The following RBM26 variants were observed in gnomAD, a reference collection of about 807,000 sequenced individuals.
The protein encoded by RBM26 is RNA binding motif protein 26.
In RBM26, 30 loss-of-function variants were observed where a neutral mutation model predicts 123.6. The observed-to-expected ratio is 0.24, with a 90% CI of 0.18 to 0.33. The LOEUF (loss-of-function observed/expected upper bound fraction) is 0.33. Ranked by LOEUF, RBM26 falls within the 10% of genes least tolerant of loss-of-function variation. The pLI, the probability that RBM26 is intolerant of heterozygous loss-of-function variation, is 1.00. For synonymous variants in RBM26, 400 were observed against 404.4 expected, an observed-to-expected ratio of 0.99 and a Z score of 0.13; for missense variants, 947 against 1,203.6, an observed-to-expected ratio of 0.79 and a Z score of 3.15.
rs373618092 is a variant in RBM26, at chr13:79,341,222, C to T, written c.2433G>A (p.Gln811=). The T allele has an allele frequency of 4.4e-6, 7 of 1,596,014 alleles. No homozygotes were observed. The highest frequency in any genetic ancestry group is 1.3e-5 in the African/African-American group (1 of 74,336). ...CCAGTTCTGTGTCAAGTAATTCCTT[C>T]TGCATCTAAAAAATAGTAATTAATA... The part of the protein sequence containing the change: ...PKSIKTKTQM[Q]KELLDTELDL... Residue 811 remains glutamine (Q), a synonymous_variant, in exon 18 of 22, where the codon CAG becomes CAA. Coordinates refer to ENST00000438737, the MANE Select transcript of RBM26 (RefSeq NM_001366735.2).
At chr13:79,386,212 G>A (rs757421797) in intron 1 of RBM26, among the ~76,000 whole-genome samples, 3 of 151,760 alleles carry the variant, frequency 2.0e-5, no homozygotes, top group Admixed American at 6.6e-5. Flanking sequence ...AAGACAGGCC[G>A]ATTCTTACAT....
In RBM26 at chr13:79,355,401, T is replaced by C; in HGVS notation, c.1690-17A>G. The stretch of plus-strand genomic sequence containing the variant: ...ATAAGCAACCTAAGATTTAAAATAT[T>C]AAGAACAGTGAATTTCCAAAGGAAT... On this transcript the variant is annotated splice_polypyrimidine_tract_variant and intron_variant, in intron 11 of 21. Coordinates refer to ENST00000438737, the MANE Select transcript of RBM26 (RefSeq NM_001366735.2). 6.2e-7 allele frequency: 1 copy of C among 1,603,006 alleles called. No homozygotes were observed. Among genetic ancestry groups the C allele is most frequent in the East Asian group, 2.2e-5 (1 of 44,752 alleles).
chr13:79,382,774 A>G (rs1390911592), intron 1 of RBM26, among the ~76,000 whole-genome samples: 1 of 152,214 alleles, frequency 6.6e-6, no homozygotes, highest in African/African-American at 2.4e-5. Context: ...TAGACAGGAA[A>G]GAGTGCTGCT....
intron 9 of RBM26, among the ~76,000 whole-genome samples, chr13:79,365,164 C>G (rs918495265): frequency 5.3e-5 from 8 of 152,130 alleles, no homozygotes; most frequent in African/African-American, 1.9e-4. Flanking sequence ...CCATCCCAGC[C>G]AGTCACGGGG....
In RBM26 at chr13:79,359,645, A is replaced by G. The variant is rs2074427038; in HGVS notation, c.1459T>C (p.Ser487Pro). Residue 487 changes from serine (S) to proline (P), a missense_variant, in exon 10 of 22, where the codon TCA becomes CCA. Physicochemically the swap from Ser to Pro is moderately conservative, Grantham distance 74 (BLOSUM62 -1). Around this residue, in one of 5 missense-constraint regions of RBM26, gnomAD observed 493 missense variants for 563.1 expected, o/e 0.88. Transcript: ENST00000438737. ...NKSSMRIVVD[S>P]ESRKRTIGSG... Reference sequence around the variant, plus strand: ...CCAATGGTTCTTTTCCTTGATTCTGAGTCCACTACTATCCTCATACTGCTT... The same window carrying G: ...CCAATGGTTCTTTTCCTTGATTCTGGGTCCACTACTATCCTCATACTGCTT... 6.3e-7 allele frequency: 1 copy of G among 1,599,650 alleles called. No individual in the cohort carries two copies. The highest frequency in any genetic ancestry group is 8.5e-7 in the Non-Finnish European group (1 of 1,174,062).
In RBM26 at chr13:79,320,900, T is replaced by C. The variant is rs186471611; in HGVS notation, c.2935-190A>G. On this transcript the variant is annotated intron_variant, in intron 21 of 21. Transcript: ENST00000438737. ...AATGGTTTCTCTATATGATCTATTC[T>C]ATTGCTTGCATGAAACACACTAAAC... 4.6e-5 allele frequency among the ~76,000 whole-genome samples: 7 copies of C among 151,464 alleles called. No homozygotes were observed. In the East Asian group the frequency reaches 1.2e-3, roughly 25 times the overall value.
At chr13:79,327,627 A>G (rs2068637182) in intron 20 of RBM26, among the ~76,000 whole-genome samples, 1 of 152,180 alleles carries the variant, frequency 6.6e-6, no homozygotes, top group Admixed American at 6.5e-5. Flanking sequence ...TTACACATTT[A>G]ATAAAAAAAG....
chr13:79,354,465 G>C lies in RBM26; in HGVS notation c.1960C>G (p.Gln654Glu). The stretch of plus-strand genomic sequence containing the variant: ...TGAGGAAGGTCTGAAGAGGCACTCT[G>C]GGCTTCTGCAGGTTCAATAGTACTT... The part of the protein sequence containing the change: ...PSSTIEPAEA[Q>E]SASSDLPQNV... The change falls in exon 13 of 22, where the codon CAG becomes GAG. Residue 654 changes from glutamine (Q) to glutamate (E), a missense_variant. Around this residue, in one of 5 missense-constraint regions of RBM26, gnomAD observed 493 missense variants for 563.1 expected, o/e 0.88. Transcript: ENST00000438737. 1 of 1,597,734 alleles carries C rather than the reference G, an allele frequency of 6.3e-7. No individual in the cohort carries two copies. Among genetic ancestry groups the C allele is most frequent in the Non-Finnish European group, 8.6e-7 (1 of 1,169,256 alleles).
At chr13:79,382,373 T>A (rs1489833462) in intron 1 of RBM26, among the ~76,000 whole-genome samples, 1 of 152,156 alleles carries the variant, frequency 6.6e-6, no homozygotes, top group Non-Finnish European at 1.5e-5. Context: ...TGCTATATAC[T>A]GCTAGCATCC....
Position 79,377,406 on chromosome 13 carries a change from G to T in RBM26, c.300C>A (p.His100Gln), listed in dbSNP as rs774296131. ...CTTCCTTCTTTATATCTTTTTCTTG[G>T]TGTGGAAAAAATTCTACCTTCAGGC... ...SGSLKVEFFP[H>Q]QEKDIKKEEI... The change falls in exon 3 of 22, where the codon CAC becomes CAA. Residue 100 changes from histidine to glutamine, a missense_variant. Coordinates refer to ENST00000438737, the MANE Select transcript of RBM26 (RefSeq NM_001366735.2). 6.2e-7 allele frequency: 1 copy of T among 1,613,436 alleles called. No individual in the cohort carries two copies. Among genetic ancestry groups the T allele is most frequent in the African/African-American group, 1.3e-5 (1 of 74,844 alleles).
intron 3 of RBM26, chr13:79,376,252 T>C (rs1184508009): frequency 6.6e-6 from 1 of 152,344 alleles, no homozygotes; most frequent in African/African-American, 2.4e-5. Flanking sequence ...TAGGCTGCAG[T>C]GTAATGCTTT....
intron 1 of RBM26, among the ~76,000 whole-genome samples, chr13:79,391,516 T>C (rs931411293): frequency 6.6e-6 from 1 of 152,112 alleles, no homozygotes; most frequent in Non-Finnish European, 1.5e-5. Context: ...CACCACCTCC[T>C]GGGTTCAAGC....
intron 1 of RBM26, among the ~76,000 whole-genome samples, chr13:79,402,513 A>G (rs1201992505): frequency 6.6e-6 from 1 of 151,692 alleles, no homozygotes; most frequent in African/African-American, 2.4e-5. Flanking sequence ...CTATCCTTCA[A>G]TAACATCCAA....
intron 20 of RBM26, among the ~76,000 whole-genome samples, chr13:79,333,674 C>G (rs959424408): frequency 6.6e-6 from 1 of 152,104 alleles, no homozygotes; most frequent in Non-Finnish European, 1.5e-5. Context: ...TCCTATGAAT[C>G]CCCTACACCT....
At chr13:79,387,788 A>G (rs1159840097) in intron 1 of RBM26, among the ~76,000 whole-genome samples, 1 of 152,166 alleles carries the variant, frequency 6.6e-6, no homozygotes, top group Non-Finnish European at 1.5e-5. Context: ...CTCAGCACTC[A>G]TGACCAAATT....
chr13:79,313,431 G>A (rs2066957877), exon 5 of RBM26: 1 of 151,798 alleles, frequency 6.6e-6, no homozygotes, highest in Non-Finnish European at 1.5e-5. Context: ...AAAGTTGCAG[G>A]TAGTGGCATG....
intron 6 of RBM26, among the ~76,000 whole-genome samples, chr13:79,367,329 C>G (rs1594381496): frequency 6.8e-6 from 1 of 147,842 alleles, no homozygotes; most frequent in Non-Finnish European, 1.5e-5. Flanking sequence ...ATCGCTAGAA[C>G]CCGGGAGGCA....
chr13:79,319,023 T>G lies in RBM26; in HGVS notation c.*1598A>C. The G allele has an allele frequency of 1.0e-6, 1 of 983,634 alleles. No homozygotes were observed. Among genetic ancestry groups the G allele is most frequent in the East Asian group, 1.1e-4 (1 of 8,804 alleles). The allele number at this position is 983,634 out of a possible 1,614,324, so 60.9% of individuals were successfully genotyped here. A position where few individuals can be genotyped will look rare whatever the true frequency, so the allele number is the denominator to read the frequency against. Reference sequence around the variant, plus strand: ...TGAGCAAAGTCACTATTTTGACAACTGAAATCTGATTTTGAAATTTTAAAT... The same window carrying G: ...TGAGCAAAGTCACTATTTTGACAACGGAAATCTGATTTTGAAATTTTAAAT... On this transcript the variant is annotated 3_prime_UTR_variant, in exon 22 of 22. Coordinates refer to ENST00000438737, the MANE Select transcript of RBM26 (RefSeq NM_001366735.2).
At chr13:79,344,903 A>T in intron 14 of RBM26, 109 bp from the exon 15 acceptor site, 1 of 947,152 alleles carries the variant, frequency 1.1e-6, no homozygotes, top group Non-Finnish European at 1.6e-6. Flanking sequence ...GCTTCAAAAC[A>T]CACTGAACTA....
Sources: gnomAD v4.1 joint callset for allele counts (sites outside exome capture counted in the v4.1 genomes callset) on GRCh38, gnomAD v4.1.1 for gene constraint, gnomAD v4.1.1 regional missense constraint, MANE v1.5 for transcripts, NCBI Gene and HGNC (gene_info 2026-07-23, HGNC 2026-07-21) for gene names.